The following DOCK2 variants were observed in gnomAD, a reference collection of about 807,000 sequenced individuals.
The protein encoded by DOCK2 is dedicator of cytokinesis 2.
DOCK2 carries 87 observed loss-of-function variants against 248.9 expected under a neutral mutation model. That is an observed-to-expected ratio of 0.35 (90% CI 0.29 to 0.42). The LOEUF is 0.42. Among genes scored for constraint, DOCK2 ranks in the 10% least tolerant of loss-of-function variants. The probability of loss-of-function intolerance (pLI) is 1.00; values close to 1 mark genes in which losing one functional copy is unlikely to be tolerated. For missense variants in DOCK2, 1,747 were observed against 2,300.2 expected (o/e 0.76, Z 4.92); for synonymous variants, 805 against 821.6 (o/e 0.98, Z 0.35).
chr5:169,755,416 T>A (rs1203147299), intron 23 of DOCK2, among the ~76,000 whole-genome samples: 1 of 152,136 alleles, frequency 6.6e-6, no homozygotes, highest in Non-Finnish European at 1.5e-5. Context: ...TACAATATTA[T>A]TTTATGAAGA....
chr5:170,075,924 A>C (rs754789510), intron 46 of DOCK2, 23 bp from the exon 47 acceptor site: 1 of 1,613,468 alleles, frequency 6.2e-7, no homozygotes, highest in East Asian at 2.2e-5. Flanking sequence ...CCTCTGGCTC[A>C]TTCTTTACCA....
intron 27 of DOCK2, among the ~76,000 whole-genome samples, chr5:169,924,701 C>G (rs957629469): frequency 6.6e-6 from 1 of 152,106 alleles, no homozygotes; most frequent in Non-Finnish European, 1.5e-5. Context: ...ATCTGAGAGG[C>G]TTTTTTTGAA....
rs571302580 is a variant in DOCK2, at chr5:169,896,438, A to G, written c.2799+55586A>G. Among the ~76,000 whole-genome samples the G allele has an allele frequency of 1.6e-4, 25 of 152,222 alleles. 1 individual carries two copies. Among genetic ancestry groups the G allele is most frequent in the African/African-American group, 5.5e-4 (23 of 41,526 alleles). On this transcript the variant is annotated intron_variant, in intron 27 of 51. Coordinates refer to ENST00000520908, the MANE Select transcript of DOCK2 (RefSeq NM_004946.3). ...TTTCTGCATCTTTGTTGGAGGGTAA[A>G]TTACTTAACCTCTCTGGGCTATGAT...
At chr5:169,905,186 C>G (rs553542383) in intron 27 of DOCK2, among the ~76,000 whole-genome samples, 75 of 152,202 alleles carry the variant, frequency 4.9e-4, no homozygotes, top group Non-Finnish European at 9.6e-4. Context: ...GTGAAGCCAG[C>G]TGGGAGCAAG....
intron 27 of DOCK2, among the ~76,000 whole-genome samples, chr5:169,977,466 T>C (rs1023645419): frequency 2.0e-5 from 3 of 152,200 alleles, no homozygotes; most frequent in African/African-American, 4.8e-5. Flanking sequence ...TTCTAAGTCC[T>C]TTACACAAAT....
intron 49 of DOCK2, chr5:170,079,458 A>C: frequency 3.2e-6 from 1 of 311,716 alleles, no homozygotes; most frequent in Non-Finnish European, 6.3e-6. Context: ...CTCCCACCAA[A>C]AGGGAGAGCA....
intron 26 of DOCK2, among the ~76,000 whole-genome samples, chr5:169,822,642 A>T (rs1448140825): frequency 6.6e-6 from 1 of 152,198 alleles, no homozygotes; most frequent in Non-Finnish European, 1.5e-5. Context: ...AAATTATAGC[A>T]CTAAATGCCC....
At chr5:169,881,031 C>G (rs1772611217) in intron 27 of DOCK2, among the ~76,000 whole-genome samples, 1 of 152,138 alleles carries the variant, frequency 6.6e-6, no homozygotes, top group African/African-American at 2.4e-5. Context: ...CTGAGTTTGG[C>G]CCTTTCTGCT....
rs566566634 is a variant in DOCK2, at chr5:169,809,406, A to G, written c.2703+6200A>G. Among the ~76,000 whole-genome samples, 34 of 152,318 alleles carry G rather than the reference A, an allele frequency of 2.2e-4. No individual in the cohort carries two copies. In the South Asian group the frequency reaches 6.8e-3, roughly 31 times the overall value. On this transcript the variant is annotated intron_variant, in intron 26 of 51. Coordinates refer to ENST00000520908, the MANE Select transcript of DOCK2 (RefSeq NM_004946.3). ...CAATTTCTCATCTTTCTCTGCAGGT[A>G]GAATCCTAAACTCGTTTGGAGTTCA...
chr5:169,974,759 C>T (rs1777652482), intron 27 of DOCK2, among the ~76,000 whole-genome samples: 1 of 152,148 alleles, frequency 6.6e-6, no homozygotes, highest in Non-Finnish European at 1.5e-5. Context: ...GGCACAGAAG[C>T]CCATCGTTGT....
intron 32 of DOCK2, among the ~76,000 whole-genome samples, chr5:170,014,159 G>A (rs1181783523): frequency 1.3e-5 from 2 of 152,100 alleles, no homozygotes; most frequent in African/African-American, 2.4e-5. Context: ...CCTGGGGTTG[G>A]GGAGAGGCTG....
intron 13 of DOCK2, among the ~76,000 whole-genome samples, chr5:169,700,779 G>A (rs184838548): frequency 3.3e-5 from 5 of 152,080 alleles, no homozygotes; most frequent in African/African-American, 1.2e-4. Flanking sequence ...AAATCAAAAT[G>A]GAGTCAGCTA....
At chr5:169,900,197 C>T (rs949975160) in intron 27 of DOCK2, among the ~76,000 whole-genome samples, 1 of 152,186 alleles carries the variant, frequency 6.6e-6, no homozygotes, top group Admixed American at 6.5e-5. Context: ...AAGACGCAAG[C>T]TTTAAGCAAG....
chr5:169,887,889 C>G (rs1167915459), intron 27 of DOCK2, among the ~76,000 whole-genome samples: 2 of 152,180 alleles, frequency 1.3e-5, no homozygotes, highest in African/African-American at 4.8e-5. Context: ...CTCTTTGTTA[C>G]TGTGCCTGGT....
At chr5:169,710,561 A>T (rs1761521561) in intron 15 of DOCK2, among the ~76,000 whole-genome samples, 1 of 152,198 alleles carries the variant, frequency 6.6e-6, no homozygotes, top group Non-Finnish European at 1.5e-5. Flanking sequence ...TGGAATAAGG[A>T]TTTGGAATTA....
At chr5:169,751,120 A>G (rs1488516794) in intron 23 of DOCK2, among the ~76,000 whole-genome samples, 3 of 151,014 alleles carry the variant, frequency 2.0e-5, no homozygotes, top group Non-Finnish European at 4.4e-5. Flanking sequence ...AGCCTGTTAC[A>G]TAGTTTGGTT....
In DOCK2 at chr5:169,763,672, A is replaced by G. The variant is rs1045682223; in HGVS notation, c.2554+2047A>G. The stretch of plus-strand genomic sequence containing the variant: ...CAGTCCTGCTGTGTGTCTGGGTTTC[A>G]GATTCAGTAGAAACCCTCTGATTAA... On this transcript the variant is annotated intron_variant, in intron 25 of 51. Coordinates refer to ENST00000520908, the MANE Select transcript of DOCK2 (RefSeq NM_004946.3). This position sits in a 1 kb window ranked among gnomAD's most constrained non-coding sequence, Gnocchi z 4.1. 2.0e-5 allele frequency among the ~76,000 whole-genome samples: 3 copies of G among 152,244 alleles called. No individual in the cohort carries two copies. The highest frequency in any genetic ancestry group is 7.2e-5 in the African/African-American group (3 of 41,464).
intron 27 of DOCK2, among the ~76,000 whole-genome samples, chr5:169,850,933 G>A (rs561439976): frequency 7.2e-5 from 11 of 152,248 alleles, no homozygotes; most frequent in South Asian, 2.1e-4. Flanking sequence ...TGCAGTCTGC[G>A]AAACTCTCGT....
intron 27 of DOCK2, among the ~76,000 whole-genome samples, chr5:169,969,094 G>A (rs1317183727): frequency 2.0e-5 from 3 of 152,138 alleles, no homozygotes; most frequent in African/African-American, 4.8e-5. Flanking sequence ...AGGCTACAGT[G>A]AGCCATGATC....
Sources: gnomAD v4.1 joint callset for allele counts (sites outside exome capture counted in the v4.1 genomes callset) on GRCh38, gnomAD v4.1.1 for gene constraint, Gnocchi (gnomAD v3.1) non-coding constraint, MANE v1.5 for transcripts, NCBI Gene and HGNC (gene_info 2026-07-23, HGNC 2026-07-21) for gene names.